IRF2: variants seen among roughly 807,000 people sequenced by gnomAD.
IRF2 encodes the protein interferon regulatory factor 2.
IRF2 carries 15 observed loss-of-function variants against 40.6 expected under a neutral mutation model. That is an observed-to-expected ratio of 0.37 (90% CI 0.25 to 0.57). The LOEUF (loss-of-function observed/expected upper bound fraction) is 0.57. Ranked by LOEUF, IRF2 falls within the 20% of genes least tolerant of loss-of-function variation. The pLI, the probability that IRF2 is intolerant of heterozygous loss-of-function variation, is 0.77. For missense variants in IRF2, 317 were observed against 455.7 expected, an observed-to-expected ratio of 0.70 and a Z score of 2.77; for synonymous variants, 151 against 165.5, an observed-to-expected ratio of 0.91 and a Z score of 0.67.
At chr4:184,471,868 A>T (rs1385229681) in intron 1 of IRF2, 2 of 152,240 alleles carry the variant, frequency 1.3e-5, no homozygotes, top group African/African-American at 4.8e-5. Context: ...ACATTTTTAC[A>T]GGTAAGTAAA....
intron 1 of IRF2, among the ~76,000 whole-genome samples, chr4:184,452,982 T>C (rs963474056): frequency 3.9e-5 from 6 of 152,066 alleles, no homozygotes; most frequent in African/African-American, 1.4e-4. Context: ...CCATGTCACT[T>C]CTAGGAATGC....
intron 1 of IRF2, among the ~76,000 whole-genome samples, chr4:184,456,607 G>C (rs1037160906): frequency 1.3e-5 from 2 of 152,256 alleles, no homozygotes; most frequent in African/African-American, 4.8e-5. Flanking sequence ...GCACACACCC[G>C]GCTGACGCGC....
At chr4:184,399,996 GTATTGACATAAA>G (rs758227311) in intron 6 of IRF2, among the ~76,000 whole-genome samples, 5 of 152,286 alleles carry the variant, frequency 3.3e-5, no homozygotes, top group Non-Finnish European at 7.3e-5. Flanking sequence ...CGCAACCAGA[GTATTGACATAAA>G]TAACAATCCA....
At chr4:184,402,138 G>A (rs1736688508) in intron 6 of IRF2, among the ~76,000 whole-genome samples, 1 of 152,230 alleles carries the variant, frequency 6.6e-6, no homozygotes, top group Non-Finnish European at 1.5e-5. Context: ...CTATAGGCCA[G>A]CGACTAACCA....
intron 1 of IRF2, among the ~76,000 whole-genome samples, chr4:184,473,373 G>A (rs1361665322): frequency 2.0e-5 from 3 of 147,700 alleles, no homozygotes; most frequent in South Asian, 4.1e-4. Context: ...CCCAGCGCGC[G>A]AGGCCGGCCG....
intron 2 of IRF2, among the ~76,000 whole-genome samples, chr4:184,426,562 G>C (rs1418836838): frequency 6.6e-6 from 1 of 152,124 alleles, no homozygotes; most frequent in African/African-American, 2.4e-5. Flanking sequence ...TTTTCCAAAT[G>C]AGGTGACATC....
chr4:184,428,527 G>A, intron 2 of IRF2: 2 of 349,882 alleles, frequency 5.7e-6, no homozygotes. Flanking sequence ...ACCGGGTTCA[G>A]TGGCTCATGC....
chr4:184,395,943 A>G lies in IRF2; in HGVS notation c.694+2972T>C, dbSNP rs571434579. Among the ~76,000 whole-genome samples, 4 of 152,358 alleles carry G rather than the reference A, an allele frequency of 2.6e-5. No individual in the cohort carries two copies. In the East Asian group the frequency reaches 7.7e-4, roughly 29 times the overall value. On this transcript the variant is annotated intron_variant, in intron 7 of 8. Coordinates refer to ENST00000393593, the MANE Select transcript of IRF2 (RefSeq NM_002199.4). ...AAATGCCACTGCTGGCAGAACAGCA[A>G]GAAGAGGTCTTTCCAGAATCCCCAA...
At chr4:184,402,409 G>A (rs528839564) in intron 6 of IRF2, among the ~76,000 whole-genome samples, 16 of 152,208 alleles carry the variant, frequency 1.1e-4, no homozygotes, top group African/African-American at 2.4e-4. Context: ...CCCGTCACTC[G>A]GCCGAAACTA....
intron 1 of IRF2, among the ~76,000 whole-genome samples, chr4:184,433,227 C>T (rs1737954338): frequency 6.6e-6 from 1 of 152,228 alleles, no homozygotes. Context: ...TGAACGTGCA[C>T]AGGAATCCCA....
intron 1 of IRF2, chr4:184,472,089 A>G (rs1179594323): frequency 6.6e-6 from 1 of 152,206 alleles, no homozygotes; most frequent in South Asian, 2.1e-4. Flanking sequence ...TTGACACATC[A>G]ATCAATAGAT....
At chr4:184,428,348 A>G (rs1403059733) in intron 2 of IRF2, among the ~76,000 whole-genome samples, 2 of 152,234 alleles carry the variant, frequency 1.3e-5, no homozygotes, top group Non-Finnish European at 2.9e-5. Context: ...GGAGAAGCAA[A>G]AAAAAGGAAT....
intron 2 of IRF2, among the ~76,000 whole-genome samples, chr4:184,420,494 T>A (rs948946196): frequency 2.0e-5 from 3 of 152,180 alleles, no homozygotes; most frequent in African/African-American, 7.2e-5. Flanking sequence ...AAATGACACA[T>A]TTTTCTGGAG....
chr4:184,440,403 G>A (rs1738260306), intron 1 of IRF2, among the ~76,000 whole-genome samples: 1 of 152,212 alleles, frequency 6.6e-6, no homozygotes, highest in Non-Finnish European at 1.5e-5. Flanking sequence ...GACTACGTAG[G>A]CTTATATATT....
intron 1 of IRF2, among the ~76,000 whole-genome samples, chr4:184,466,067 G>GTTT: frequency 6.8e-6 from 1 of 147,324 alleles, no homozygotes; most frequent in South Asian, 2.1e-4. Flanking sequence ...TTTGTTTTTT[G>GTTT]TTTTTTTTTT....
At chr4:184,425,234 A>G (rs1011996614) in intron 2 of IRF2, among the ~76,000 whole-genome samples, 1 of 152,260 alleles carries the variant, frequency 6.6e-6, no homozygotes, top group African/African-American at 2.4e-5. Flanking sequence ...AAGGATTCCC[A>G]GGCAGAATGC....
At chr4:184,398,357 T>G (rs900222159) in intron 7 of IRF2, among the ~76,000 whole-genome samples, 1 of 152,114 alleles carries the variant, frequency 6.6e-6, no homozygotes, top group Non-Finnish European at 1.5e-5. Context: ...TGTAACCATA[T>G]ATAAAAATGT....
chr4:184,395,255 CA>C (rs888024686), intron 7 of IRF2, among the ~76,000 whole-genome samples: 1 of 151,192 alleles, frequency 6.6e-6, no homozygotes. Flanking sequence ...ACTAAAAATA[CA>C]AAAAAAATTA....
intron 2 of IRF2, 34 bp from the exon 3 acceptor site, chr4:184,419,602 T>TGGAGTCATG (rs1737408592): frequency 7.2e-7 from 1 of 1,393,910 alleles, no homozygotes; most frequent in African/African-American, 1.5e-5. Context: ...GGTAAAGAAC[T>TGGAGTCATG]GGAGTCATGG....
Sources: allele counts gnomAD v4.1 joint callset (sites outside exome capture counted in the v4.1 genomes callset), GRCh38; gene constraint gnomAD v4.1.1; transcripts MANE v1.5; gene names NCBI Gene and HGNC (gene_info 2026-07-23, HGNC 2026-07-21).